Variants in FUT8 observed in about 807,000 individuals in gnomAD.
The protein encoded by FUT8 is fucosyltransferase 8, also known as alpha-(1,6)-fucosyltransferase.
A neutral mutation model predicts 71.3 loss-of-function variants in FUT8; 29 were observed. The ratio of observed to expected loss-of-function variants is 0.41; its 90% CI spans 0.30 to 0.55. The LOEUF is 0.55. FUT8 is among the 20% of genes least tolerant of loss of function. The pLI is 0.34. For missense variants in FUT8, 544 were observed against 702.1 expected, an observed-to-expected ratio of 0.77 and a Z score of 2.55; for synonymous variants, 254 against 239.3, an observed-to-expected ratio of 1.06 and a Z score of -0.57.
intron 1 of FUT8, among the ~76,000 whole-genome samples, chr14:65,435,485 A>ATGGTTAG (rs2065541353): frequency 6.6e-6 from 1 of 152,196 alleles, no homozygotes; most frequent in Non-Finnish European, 1.5e-5. Context: ...TGAATGTACC[A>ATGGTTAG]TGGTTAGTTT....
At chr14:65,392,853 T>A in the FUT8 span, among the ~76,000 whole-genome samples, 2 of 152,172 alleles carry the variant, frequency 1.3e-5, no homozygotes, top group African/African-American at 4.8e-5. Context: ...CCAATAAAAA[T>A]GCAGAACACC....
chr14:65,406,710 A>AT (rs2065090138), upstream of FUT8, among the ~76,000 whole-genome samples: 3 of 151,960 alleles, frequency 2.0e-5, no homozygotes, highest in South Asian at 4.2e-4. Context: ...TAATTTTTGT[A>AT]TTTTTTTAGT....
At chr14:65,576,181 T>TTTTG (rs539343166) in intron 3 of FUT8, among the ~76,000 whole-genome samples, 4 of 152,144 alleles carry the variant, frequency 2.6e-5, no homozygotes, top group Non-Finnish European at 5.9e-5. Flanking sequence ...TTTCTCTGTT[T>TTTTG]TTTGTTTGTT....
chr14:65,613,339 A>T (rs572581678), intron 3 of FUT8, among the ~76,000 whole-genome samples: 175 of 152,310 alleles, frequency 1.1e-3, no homozygotes, highest in African/African-American at 3.8e-3. Context: ...ATCCCAAGAG[A>T]TTGAAGTTTT....
At chr14:65,654,796 A>G (rs1412724616) in intron 6 of FUT8, among the ~76,000 whole-genome samples, 1 of 152,176 alleles carries the variant, frequency 6.6e-6, no homozygotes, top group African/African-American at 2.4e-5. Flanking sequence ...TTAAATCCCA[A>G]CATGTCAATA....
At chr14:65,675,835 CA>C (rs55685826) in intron 7 of FUT8, among the ~76,000 whole-genome samples, 251 of 144,648 alleles carry the variant, frequency 1.7e-3, no homozygotes, top group African/African-American at 1.8e-3. Context: ...ACTAAAAATA[CA>C]AAAAAAAAAA....
chr14:65,409,641 C>T (rs1480275193), upstream of FUT8, among the ~76,000 whole-genome samples: 2 of 152,170 alleles, frequency 1.3e-5, no homozygotes, highest in African/African-American at 4.8e-5. The surrounding 1 kb of genome is among the most constrained non-coding windows in gnomAD (Gnocchi z 5.4). Context: ...ATAAAATGGC[C>T]ACTCATGTAC....
intron 2 of FUT8, among the ~76,000 whole-genome samples, chr14:65,542,789 T>TA (rs1884753180): frequency 6.6e-6 from 1 of 152,170 alleles, no homozygotes; most frequent in African/African-American, 2.4e-5. Flanking sequence ...AGGAATTTTT[T>TA]ATTTTTTTTT....
chr14:65,497,075 CTG>C (rs2066570240), intron 2 of FUT8, among the ~76,000 whole-genome samples: 1 of 152,130 alleles, frequency 6.6e-6, no homozygotes, highest in Non-Finnish European at 1.5e-5. Flanking sequence ...CAGCCAGACA[CTG>C]TGTTACATAC....
chr14:65,481,417 AGTTT>A (rs1050923585), intron 2 of FUT8, among the ~76,000 whole-genome samples: 3 of 151,438 alleles, frequency 2.0e-5, no homozygotes, highest in African/African-American at 7.3e-5. Flanking sequence ...ATTTCCTTAT[AGTTT>A]GTATTCTAGT....
At chr14:65,635,790 G>T (rs1003294757) in intron 6 of FUT8, among the ~76,000 whole-genome samples, 2 of 152,126 alleles carry the variant, frequency 1.3e-5, no homozygotes, top group African/African-American at 4.8e-5. Context: ...CTGGTCTGTA[G>T]TTTTCTTTTT....
intron 6 of FUT8, among the ~76,000 whole-genome samples, chr14:65,633,862 C>G (rs1219046020): frequency 6.6e-6 from 1 of 152,038 alleles, no homozygotes; most frequent in African/African-American, 2.4e-5. Context: ...GGGTCAGCCC[C>G]CACTCGGCCA....
At position 65,614,082 on chromosome 14, in the gene FUT8, C is replaced by T. The variant is rs187259213; in HGVS notation, c.204-1896C>T. On this transcript the variant is annotated intron_variant, in intron 3 of 10. Transcript: ENST00000673929. The stretch of plus-strand genomic sequence containing the variant: ...CAAGCCAAGATCCCATCACTGTACT[C>T]CAGCCTGGGTGACAAATCGAGACTG... Among the ~76,000 whole-genome samples the T allele has an allele frequency of 2.9e-3, 426 of 147,588 alleles. 2 individuals carry two copies. The highest frequency in any genetic ancestry group is 0.01 in the African/African-American group (405 of 40,100).
At chr14:65,732,984 A>T (rs1315463022) in intron 9 of FUT8, among the ~76,000 whole-genome samples, 1 of 152,220 alleles carries the variant, frequency 6.6e-6, no homozygotes, top group African/African-American at 2.4e-5. Context: ...TCATGAATTG[A>T]TAAAGGACAT....
chr14:65,735,422 C>T (rs547339384), intron 10 of FUT8, among the ~76,000 whole-genome samples: 1 of 152,226 alleles, frequency 6.6e-6, no homozygotes, highest in African/African-American at 2.4e-5. Flanking sequence ...AGAAGCAATT[C>T]ATATGAAGAA....
intron 2 of FUT8, among the ~76,000 whole-genome samples, chr14:65,542,938 A>G (rs1439015577): frequency 6.6e-6 from 1 of 152,120 alleles, no homozygotes; most frequent in African/African-American, 2.4e-5. Flanking sequence ...ATGCGCCACC[A>G]TGCCTGGCTA....
chr14:65,372,884 G>C, the FUT8 span, among the ~76,000 whole-genome samples: 5 of 152,088 alleles, frequency 3.3e-5, no homozygotes. Flanking sequence ...CCGGTTGGAG[G>C]CTTTCCTCAC....
chr14:65,622,143 G>C (rs1431155010), intron 5 of FUT8, among the ~76,000 whole-genome samples: 1 of 152,144 alleles, frequency 6.6e-6, no homozygotes, highest in East Asian at 1.9e-4. Context: ...TTTTATAACT[G>C]AAGTTATATT....
chr14:65,591,281 T>C (rs565697752), intron 3 of FUT8, among the ~76,000 whole-genome samples: 8 of 152,272 alleles, frequency 5.3e-5, no homozygotes, highest in African/African-American at 1.9e-4. Context: ...CTATCACTTG[T>C]CATTGTTTTC....
Sources: gnomAD v4.1 joint callset for allele counts (sites outside exome capture counted in the v4.1 genomes callset) on GRCh38, gnomAD v4.1.1 for gene constraint, Gnocchi (gnomAD v3.1) non-coding constraint, MANE v1.5 for transcripts, NCBI Gene and HGNC (gene_info 2026-07-23, HGNC 2026-07-21) for gene names.